Variants in ADAMTS9 observed in about 807,000 individuals in gnomAD.
ADAMTS9 encodes the protein ADAM metallopeptidase with thrombospondin type 1 motif 9, also known as A disintegrin and metalloproteinase with thrombospondin motifs 9.
Under a neutral mutation model 257.1 loss-of-function variants are expected in ADAMTS9, and 107 were observed. The observed-to-expected ratio is 0.42, with a 90% confidence interval of 0.36 to 0.49. The LOEUF is 0.49. Ranked by LOEUF, ADAMTS9 falls within the 20% of genes least tolerant of loss-of-function variation. ADAMTS9 has a pLI of 0.03. For missense variants in ADAMTS9, 2,353 were observed against 2,469.1 expected (o/e 0.95, Z 1.00); for synonymous variants, 982 against 880.9 (o/e 1.11, Z -2.03).
At chr3:64,638,995 G>A (rs1287216231) in intron 12 of ADAMTS9, among the ~76,000 whole-genome samples, 1 of 152,118 alleles carries the variant, frequency 6.6e-6, no homozygotes, top group Non-Finnish European at 1.5e-5. Context: ...TCCCAGTGAG[G>A]GGGGCAGCTG....
At chr3:64,611,463 T>G (rs1010176501) in intron 22 of ADAMTS9, among the ~76,000 whole-genome samples, 3 of 152,166 alleles carry the variant, frequency 2.0e-5, no homozygotes, top group African/African-American at 7.2e-5. Context: ...GACTGGTGGT[T>G]GCCAGGGACT....
At chr3:64,659,566 T>C (rs1278639937) in intron 3 of ADAMTS9, among the ~76,000 whole-genome samples, 1 of 151,912 alleles carries the variant, frequency 6.6e-6, no homozygotes, top group Non-Finnish European at 1.5e-5. Flanking sequence ...GTGGACAGGC[T>C]AACAGACGAT....
chr3:64,527,012 G>C (rs7647800), intron 38 of ADAMTS9, among the ~76,000 whole-genome samples: 105,653 of 152,046 alleles, frequency 0.69, 40,862 homozygotes, highest in Non-Finnish European at 0.86. Context: ...ATCTCCTTAA[G>C]TGGGATTCCA....
chr3:64,554,906 G>T (rs2083312603), intron 30 of ADAMTS9, among the ~76,000 whole-genome samples: 1 of 152,180 alleles, frequency 6.6e-6, no homozygotes, highest in Non-Finnish European at 1.5e-5. Flanking sequence ...GGTCTGAAAA[G>T]GATCATTTAA....
At chr3:64,582,602 A>G (rs1035276883) in intron 28 of ADAMTS9, 1 of 152,194 alleles carries the variant, frequency 6.6e-6, no homozygotes, top group African/African-American at 2.4e-5. Context: ...CCCAGGGAAC[A>G]TTTGGCAACG....
intron 2 of ADAMTS9, among the ~76,000 whole-genome samples, chr3:64,682,930 C>G (rs1305878328): frequency 6.6e-6 from 1 of 152,088 alleles, no homozygotes; most frequent in Non-Finnish European, 1.5e-5. Flanking sequence ...GGGCATTACC[C>G]CCTACTCACA....
At position 64,687,537 on chromosome 3, in the gene ADAMTS9, G is replaced by A. The variant is rs1194286874; in HGVS notation, c.115+6C>T. On this transcript the variant is annotated splice_donor_region_variant and intron_variant, in intron 1 of 39. Coordinates refer to ENST00000498707, the MANE Select transcript of ADAMTS9 (RefSeq NM_182920.2). This position sits in a 1 kb window ranked among gnomAD's most constrained non-coding sequence, Gnocchi z 4.4. Reference sequence around the variant, plus strand: ...GGCGGGGTCCCGGGGGCCGGAGCCTGGTTACCTTGCCTCGGGTGCAGCCTG... The same window carrying A: ...GGCGGGGTCCCGGGGGCCGGAGCCTAGTTACCTTGCCTCGGGTGCAGCCTG... 1 of 1,530,176 alleles carries A rather than the reference G, an allele frequency of 6.5e-7. No homozygotes were observed. The highest frequency in any genetic ancestry group is 8.8e-7 in the Non-Finnish European group (1 of 1,135,278). 94.8% of individuals were successfully genotyped at this position (1,530,176 alleles called of 1,614,324 possible). A position where few individuals can be genotyped will look rare whatever the true frequency, so the allele number is the denominator to read the frequency against.
chr3:64,622,884 A>G (rs1700142168), intron 16 of ADAMTS9, among the ~76,000 whole-genome samples: 1 of 152,236 alleles, frequency 6.6e-6, no homozygotes, highest in South Asian at 2.1e-4. Flanking sequence ...TGATCTTGTT[A>G]TACAAGACCC....
chr3:64,666,766 A>C (rs1261989801), intron 3 of ADAMTS9, among the ~76,000 whole-genome samples: 3 of 152,232 alleles, frequency 2.0e-5, no homozygotes, highest in Non-Finnish European at 4.4e-5. Context: ...AATAATTATT[A>C]GTGGTATTGT....
intron 14 of ADAMTS9, 64 bp downstream of exon 14, chr3:64,633,408 G>A (rs749951864): frequency 6.3e-7 from 1 of 1,598,380 alleles, no homozygotes; most frequent in Admixed American, 1.7e-5. Flanking sequence ...TTCTATCTAG[G>A]AAGCCACAAA....
intron 22 of ADAMTS9, among the ~76,000 whole-genome samples, chr3:64,610,812 T>A (rs779962381): frequency 6.6e-6 from 1 of 152,046 alleles, no homozygotes; most frequent in Non-Finnish European, 1.5e-5. Flanking sequence ...CACGGTGTCT[T>A]AGGCCTGTAA....
chr3:64,532,906 G>T (rs1015360966), intron 38 of ADAMTS9, among the ~76,000 whole-genome samples: 1 of 152,148 alleles, frequency 6.6e-6, no homozygotes, highest in African/African-American at 2.4e-5. Flanking sequence ...TGGTTAGGTG[G>T]TTTTTCTAAT....
intron 22 of ADAMTS9, among the ~76,000 whole-genome samples, chr3:64,608,974 G>A (rs1334640087): frequency 6.6e-6 from 1 of 150,984 alleles, no homozygotes; most frequent in African/African-American, 2.4e-5. Context: ...CCCAACATAA[G>A]AAAATCAATC....
At position 64,561,729 on chromosome 3, in the gene ADAMTS9, C is replaced by T. The variant is rs1202478506; in HGVS notation, c.4547G>A (p.Gly1516Asp). The change falls in exon 30 of 40, where the codon GGC becomes GAC. Residue 1516 changes from glycine to aspartate, a missense_variant. By Grantham distance (94) the Gly-to-Asp change is moderately conservative. Coordinates refer to ENST00000498707, the MANE Select transcript of ADAMTS9 (RefSeq NM_182920.2). ...ACAGCCCACATGCCTCTGCTGTACG[C>T]CTCGGCCACAGGACACAGAGCACTA... is the stretch of plus-strand genomic sequence containing the variant. Reference protein sequence around the residue: ...WSQCSVSCGRGVQQRHVGCQI... With the variant: ...WSQCSVSCGRDVQQRHVGCQI... 2 of 1,613,506 alleles carry T rather than the reference C, an allele frequency of 1.2e-6. No individual in the cohort carries two copies. Among genetic ancestry groups the T allele is most frequent in the Non-Finnish European group, 1.7e-6 (2 of 1,179,812 alleles).
rs1206522854 is a variant in ADAMTS9, at chr3:64,584,894, T to C, written c.4356+9364A>G. Among the ~76,000 whole-genome samples the C allele has an allele frequency of 2.4e-4, 37 of 152,138 alleles. 2 individuals are homozygous for C. The highest frequency in any genetic ancestry group is 2.4e-3 in the Admixed American group (37 of 15,268). On this transcript the variant is annotated intron_variant, in intron 28 of 39. Transcript: ENST00000498707. ...CTCTTTTATGTAAATACCGTACAAC[T>C]CTCTAAGTCAGGATATCATCATTAT... is the stretch of plus-strand genomic sequence containing the variant.
intron 22 of ADAMTS9, among the ~76,000 whole-genome samples, chr3:64,610,602 C>A (rs62247594): frequency 0.052 from 7,930 of 152,012 alleles, 250 homozygotes; most frequent in Non-Finnish European, 0.072. Flanking sequence ...TGATCAGTAT[C>A]TTTTGTTATT....
rs748507021 is a variant in ADAMTS9, at chr3:64,522,129, G to C, written c.*5+37C>G. Reference sequence around the variant, plus strand: ...ATATAGGCTACAGAAAAAAATAAAAGACAAATACACAGACAGACAGACATA... The same window carrying C: ...ATATAGGCTACAGAAAAAAATAAAACACAAATACACAGACAGACAGACATA... On this transcript the variant is annotated intron_variant, in intron 39 of 39. Transcript: ENST00000498707. 4 of 1,585,050 alleles carry C rather than the reference G, an allele frequency of 2.5e-6. No homozygotes were observed. In the East Asian group the frequency reaches 6.7e-5, roughly 27 times the overall value.
chr3:64,647,841 T>A, intron 11 of ADAMTS9, 99 bp downstream of exon 11: 1 of 988,688 alleles, frequency 1.0e-6, no homozygotes, highest in Non-Finnish European at 1.5e-6. Context: ...TAAAACAGAC[T>A]GCATTGTCTT....
chr3:64,564,091 A>T (rs1269349399), intron 29 of ADAMTS9, among the ~76,000 whole-genome samples: 1 of 152,148 alleles, frequency 6.6e-6, no homozygotes, highest in Admixed American at 6.6e-5. Context: ...TGTTCAGTAC[A>T]CCTTTTAGTT....
Sources: allele counts gnomAD v4.1 joint callset (sites outside exome capture counted in the v4.1 genomes callset), GRCh38; gene constraint gnomAD v4.1.1; non-coding constraint Gnocchi (gnomAD v3.1); transcripts MANE v1.5; gene names NCBI Gene and HGNC (gene_info 2026-07-23, HGNC 2026-07-21).